TAS2R1: variants seen among roughly 807,000 people sequenced by gnomAD.
TAS2R1 encodes the protein taste receptor type 2 member 1.
For missense variants in TAS2R1, 370 were observed against 353.4 expected, an observed-to-expected ratio of 1.05 and a Z score of -0.38; for synonymous variants, 141 against 134.2, an observed-to-expected ratio of 1.05 and a Z score of -0.35.
At chr5:9,796,721 G>GAAAAAA in the TAS2R1 span, among the ~76,000 whole-genome samples, 3 of 99,758 alleles carry the variant, frequency 3.0e-5, no homozygotes, top group Non-Finnish European at 4.6e-5. Flanking sequence ...CTATTTTCTG[G>GAAAAAA]AAAAAAAAAA....
chr5:9,745,996 G>C, the TAS2R1 span, among the ~76,000 whole-genome samples: 1 of 152,092 alleles, frequency 6.6e-6, no homozygotes, highest in Non-Finnish European at 1.5e-5. Context: ...AAGAATGGGA[G>C]AAAATTTTTG....
chr5:9,840,546 T>G, the TAS2R1 span, among the ~76,000 whole-genome samples: 2 of 152,192 alleles, frequency 1.3e-5, no homozygotes, highest in Non-Finnish European at 2.9e-5. Flanking sequence ...TTAACTCCAT[T>G]TATTCCCTTA....
chr5:9,834,306 A>G, the TAS2R1 span, among the ~76,000 whole-genome samples: 2 of 152,224 alleles, frequency 1.3e-5, no homozygotes, highest in Non-Finnish European at 2.9e-5. Flanking sequence ...AAGCCACAGA[A>G]TCCCATCTTA....
the TAS2R1 span, among the ~76,000 whole-genome samples, chr5:9,817,607 T>C: frequency 1.3e-5 from 2 of 152,262 alleles, no homozygotes; most frequent in South Asian, 4.1e-4. Flanking sequence ...AATGGAGAAT[T>C]TTCTTGTATG....
the TAS2R1 span, among the ~76,000 whole-genome samples, chr5:9,736,932 T>C: frequency 7.9e-5 from 12 of 152,120 alleles, 1 homozygote; most frequent in Admixed American, 7.9e-4. Context: ...CCCCACCCTT[T>C]CTCATTAAGT....
chr5:9,742,534 T>C, the TAS2R1 span, among the ~76,000 whole-genome samples: 1 of 152,168 alleles, frequency 6.6e-6, no homozygotes, highest in Non-Finnish European at 1.5e-5. Context: ...AAGGACAAAA[T>C]ATCTTTGAAC....
the TAS2R1 span, among the ~76,000 whole-genome samples, chr5:9,830,043 T>A: frequency 6.6e-6 from 1 of 152,166 alleles, no homozygotes; most frequent in African/African-American, 2.4e-5. Flanking sequence ...ATAAAGCTGC[T>A]CCCACAGCAG....
the TAS2R1 span, among the ~76,000 whole-genome samples, chr5:9,749,374 C>T: frequency 6.6e-6 from 1 of 152,148 alleles, no homozygotes; most frequent in Admixed American, 6.5e-5. Flanking sequence ...AAAGAGTGAT[C>T]AATAACTCCG....
chr5:9,743,252 T>C, the TAS2R1 span, among the ~76,000 whole-genome samples: 2 of 152,184 alleles, frequency 1.3e-5, no homozygotes, highest in African/African-American at 4.8e-5. Context: ...CCCCTCTGGA[T>C]GCTAATGAAA....
At chr5:9,642,102 A>C (rs1740096102) in intron 2 of TAS2R1, among the ~76,000 whole-genome samples, 1 of 152,234 alleles carries the variant, frequency 6.6e-6, no homozygotes, top group Non-Finnish European at 1.5e-5. Flanking sequence ...CAAATCATTT[A>C]GCTCCTCAAA....
the TAS2R1 span, among the ~76,000 whole-genome samples, chr5:9,782,384 A>C: frequency 5.0e-5 from 7 of 138,698 alleles, no homozygotes; most frequent in East Asian, 1.5e-3. Context: ...GATGAACTCC[A>C]CTCTGCCTTT....
At chr5:9,825,492 A>C in the TAS2R1 span, among the ~76,000 whole-genome samples, 5 of 152,224 alleles carry the variant, frequency 3.3e-5, no homozygotes, top group African/African-American at 1.2e-4. Context: ...GCTACAATTC[A>C]AGATGAGATT....
chr5:9,764,222 T>C, the TAS2R1 span, among the ~76,000 whole-genome samples: 1 of 152,248 alleles, frequency 6.6e-6, no homozygotes, highest in Non-Finnish European at 1.5e-5. Flanking sequence ...ATATCACTTC[T>C]TCATCTGAAA....
chr5:9,855,023 G>T, the TAS2R1 span, among the ~76,000 whole-genome samples: 4 of 152,120 alleles, frequency 2.6e-5, no homozygotes, highest in Non-Finnish European at 2.9e-5. Flanking sequence ...AGCTAAATTT[G>T]GGTTCTAGTA....
At chr5:9,791,203 T>TACACAC in the TAS2R1 span, among the ~76,000 whole-genome samples, 2 of 151,382 alleles carry the variant, frequency 1.3e-5, no homozygotes, top group African/African-American at 4.9e-5. Flanking sequence ...CACACACACA[T>TACACAC]ACACACACAC....
At chr5:9,811,331 G>A in the TAS2R1 span, among the ~76,000 whole-genome samples, 12 of 152,256 alleles carry the variant, frequency 7.9e-5, no homozygotes, top group African/African-American at 2.2e-4. Context: ...CACAGTCTAC[G>A]ACATTTTGTT....
At chr5:9,660,239 T>G (rs1304205694) in intron 1 of TAS2R1, among the ~76,000 whole-genome samples, 2 of 143,104 alleles carry the variant, frequency 1.4e-5, no homozygotes, top group Non-Finnish European at 3.1e-5. Flanking sequence ...TTTTTTTTTT[T>G]TTTTTTTTTT....
At chr5:9,882,354 G>A in the TAS2R1 span, among the ~76,000 whole-genome samples, 7 of 152,142 alleles carry the variant, frequency 4.6e-5, no homozygotes, top group Admixed American at 6.5e-5. Context: ...ATGGCTGGGC[G>A]CAGTGGCTCA....
the TAS2R1 span, among the ~76,000 whole-genome samples, chr5:9,792,164 T>G: frequency 6.6e-6 from 1 of 152,326 alleles, no homozygotes; most frequent in South Asian, 2.1e-4. Flanking sequence ...GATCATCTTT[T>G]TTTTACCCTT....
Sources: gnomAD v4.1 joint callset for allele counts (sites outside exome capture counted in the v4.1 genomes callset) on GRCh38, gnomAD v4.1.1 for gene constraint, MANE v1.5 for transcripts, NCBI Gene and HGNC (gene_info 2026-07-23, HGNC 2026-07-21) for gene names.